Variants in GALNT5 observed in about 807,000 individuals in gnomAD.
GALNT5 encodes polypeptide N-acetylgalactosaminyltransferase 5, also known as UDP-GalNAc:polypeptide N-acetylgalactosaminyltransferase 5.
A neutral mutation model predicts 85.4 loss-of-function variants in GALNT5; 72 were observed. That is an observed-to-expected ratio of 0.84 (90% CI 0.70 to 1.03). The LOEUF (loss-of-function observed/expected upper bound fraction) is 1.03. Among genes scored for constraint, GALNT5 ranks in the 50% least tolerant of loss-of-function variants. GALNT5 has a pLI of 0.00. For synonymous variants in GALNT5, 404 were observed against 397.0 expected (o/e 1.02, Z -0.21); for missense variants, 1,137 against 1,135.5 (o/e 1.00, Z -0.02).
intron 1 of GALNT5, among the ~76,000 whole-genome samples, chr2:157,282,107 C>G (rs1371193303): frequency 2.0e-5 from 3 of 152,112 alleles, no homozygotes; most frequent in Non-Finnish European, 1.5e-5. Context: ...TTTAGACAGT[C>G]TGATATTTTA....
chr2:157,296,392 A>G lies in GALNT5; in HGVS notation c.1878-2A>G. ...CACTTTGTTTTTCATTTCCTGGATT[A>G]GTTACATGACAGTGGATAACTTTCA... On this transcript the variant is annotated splice_acceptor_variant, in intron 4 of 9. Transcript: ENST00000259056. LOFTEE classifies it high-confidence loss of function. 1 of 1,606,140 alleles carries G rather than the reference A, an allele frequency of 6.2e-7. No individual in the cohort carries two copies. Among genetic ancestry groups the G allele is most frequent in the Non-Finnish European group, 8.5e-7 (1 of 1,173,172 alleles).
chr2:157,280,147 G>T (rs950256426), intron 1 of GALNT5, among the ~76,000 whole-genome samples: 1 of 152,106 alleles, frequency 6.6e-6, no homozygotes, highest in Non-Finnish European at 1.5e-5. Context: ...AAAAGACATG[G>T]TTCTCCAAAA....
chr2:157,292,998 G>T (rs181439137), intron 3 of GALNT5, among the ~76,000 whole-genome samples: 1 of 152,062 alleles, frequency 6.6e-6, no homozygotes, highest in Admixed American at 6.6e-5. Context: ...CACCACACCC[G>T]GCCAGGAATC....
intron 1 of GALNT5, among the ~76,000 whole-genome samples, chr2:157,269,146 C>T (rs1218393685): frequency 6.6e-6 from 1 of 152,120 alleles, no homozygotes; most frequent in Non-Finnish European, 1.5e-5. Flanking sequence ...AGCAAGTAAC[C>T]TTTCTTCCAG....
chr2:157,290,095 A>T (rs1285931014), intron 3 of GALNT5, among the ~76,000 whole-genome samples: 1 of 136,256 alleles, frequency 7.3e-6, no homozygotes, highest in South Asian at 2.2e-4. Flanking sequence ...ATGTATATAT[A>T]TATATATATA....
At chr2:157,309,543 A>G (rs1426142104) in intron 9 of GALNT5, among the ~76,000 whole-genome samples, 4 of 152,154 alleles carry the variant, frequency 2.6e-5, no homozygotes, top group Admixed American at 2.6e-4. Flanking sequence ...AATTTTCTAC[A>G]ATCTCTCCAG....
At chr2:157,265,363 T>A (rs1025911078) in intron 1 of GALNT5, among the ~76,000 whole-genome samples, 4 of 152,190 alleles carry the variant, frequency 2.6e-5, no homozygotes, top group Non-Finnish European at 4.4e-5. Context: ...CAACAAAGAT[T>A]AGAGGAGAAG....
Position 157,317,666 on chromosome 2 carries a change from GA to G in GALNT5, c.*6320del, listed in dbSNP as rs760354602. Among the ~76,000 whole-genome samples, 14 of 152,086 alleles carry G rather than the reference GA, an allele frequency of 9.2e-5. No homozygotes were observed. Among genetic ancestry groups the G allele is most frequent in the Non-Finnish European group, 1.9e-4 (13 of 67,980 alleles). On this transcript the variant is annotated 3_prime_UTR_variant, in exon 10 of 10. Transcript: ENST00000259056. The stretch of plus-strand genomic sequence containing the variant: ...TCTGATCGACTGAAGTTATTATAAA[GA>G]AGGAATCAAGTATGTAACTTTAAAT...
At chr2:157,260,655 T>C (rs1682317381) in intron 1 of GALNT5, among the ~76,000 whole-genome samples, 2 of 152,238 alleles carry the variant, frequency 1.3e-5, no homozygotes, top group African/African-American at 4.8e-5. Context: ...TTGGCTTCTG[T>C]AGAAAATTCT....
intron 3 of GALNT5, among the ~76,000 whole-genome samples, chr2:157,293,828 C>T (rs1020375956): frequency 3.3e-5 from 5 of 152,304 alleles, no homozygotes; most frequent in Middle Eastern, 3.4e-3. Context: ...GTTCTCTAAG[C>T]CTTCTCATAC....
chr2:157,291,478 A>G (rs1254914448), intron 3 of GALNT5, among the ~76,000 whole-genome samples: 1 of 152,198 alleles, frequency 6.6e-6, no homozygotes, highest in African/African-American at 2.4e-5. Flanking sequence ...ACGGCACGCC[A>G]AGCCAACATC....
chr2:157,263,285 T>C (rs1230426475), intron 1 of GALNT5, among the ~76,000 whole-genome samples: 1 of 152,172 alleles, frequency 6.6e-6, no homozygotes, highest in East Asian at 1.9e-4. Flanking sequence ...GAAAAGCTAA[T>C]CTCTTTGCTC....
At chr2:157,305,621 T>TA in intron 7 of GALNT5, 128 bp from the exon 8 acceptor site, 2 of 620,448 alleles carry the variant, frequency 3.2e-6, no homozygotes, top group Non-Finnish European at 5.8e-6. Flanking sequence ...TGGATAGTGC[T>TA]AAGTAATGCT....
rs1682959898 is a variant in GALNT5 at position 157,285,935 on chromosome 2, T to C, written c.1622-80T>C. 4 of 976,212 alleles carry C rather than the reference T, an allele frequency of 4.1e-6. No homozygotes were observed. The East Asian group carries it at 1.0e-4, about 25-fold the overall frequency. The allele number at this position is 976,212 out of a possible 1,614,324, so 60.5% of individuals were successfully genotyped here. A position where few individuals can be genotyped will look rare whatever the true frequency, so the allele number is the denominator to read the frequency against. ...ATGGTAATGTCATAGTTTTTGGCAT[T>C]TGACTTTGGGGAGCACTTCTGATAC... On this transcript the variant is annotated intron_variant, in intron 2 of 9. Coordinates refer to ENST00000259056, the MANE Select transcript of GALNT5 (RefSeq NM_014568.3).
Position 157,295,707 on chromosome 2 carries a change from G to A in GALNT5, c.1786G>A (p.Gly596Ser). The change falls in exon 4 of 10, where the codon GGT becomes AGT. Residue 596 changes from glycine to serine, a missense_variant. Coordinates refer to ENST00000259056, the MANE Select transcript of GALNT5 (RefSeq NM_014568.3). ...FLDSHVECNV[G>S]WLEPLLERVY... ...AGATTCTCATGTGGAATGTAACGTTGGTTGGTTGGAACCTCTTCTGGAAAG... is the reference window on the plus strand; with the variant it reads ...AGATTCTCATGTGGAATGTAACGTTAGTTGGTTGGAACCTCTTCTGGAAAG... 6.2e-7 allele frequency: 1 copy of A among 1,612,344 alleles called. No individual in the cohort carries two copies. The highest frequency in any genetic ancestry group is 1.3e-5 in the African/African-American group (1 of 74,950).
intron 3 of GALNT5, among the ~76,000 whole-genome samples, chr2:157,294,939 T>C (rs914280756): frequency 8.2e-5 from 12 of 146,492 alleles, no homozygotes; most frequent in African/African-American, 3.0e-4. Context: ...TTCTTAATAC[T>C]ACTTCTGGCC....
chr2:157,267,450 C>T (rs925597247), intron 1 of GALNT5, among the ~76,000 whole-genome samples: 2 of 152,290 alleles, frequency 1.3e-5, no homozygotes, highest in Middle Eastern at 3.4e-3. Flanking sequence ...CATAGAAAAC[C>T]ACAGAATGTT....
Position 157,259,431 on chromosome 2 carries a change from GA to G in GALNT5, c.1352del (p.Lys451ArgfsTer21). 1.4e-6 allele frequency: 2 copies of G among 1,475,610 alleles called. No homozygotes were observed. The allele number at this position is 1,475,610 out of a possible 1,614,324, so 91.4% of individuals were successfully genotyped here. On this transcript the variant is annotated frameshift_variant, in exon 1 of 10. Coordinates refer to ENST00000259056, the MANE Select transcript of GALNT5 (RefSeq NM_014568.3). LOFTEE classifies it high-confidence loss of function. ...GGGCGTCCTGTAGTTGTCCCCCATG[GA>G]AAGGAGAAGGAGGCAGAAAGAAGAT... ...QFGRPVVVPH[G>X]KEKEAERRWK...
At chr2:157,267,485 T>G (rs991813661) in intron 1 of GALNT5, among the ~76,000 whole-genome samples, 1 of 152,194 alleles carries the variant, frequency 6.6e-6, no homozygotes, top group African/African-American at 2.4e-5. Flanking sequence ...ATTTGAAAGT[T>G]TTCTAATCTA....
Sources: gnomAD v4.1 joint callset for allele counts (sites outside exome capture counted in the v4.1 genomes callset) on GRCh38, gnomAD v4.1.1 for gene constraint, MANE v1.5 for transcripts, NCBI Gene and HGNC (gene_info 2026-07-23, HGNC 2026-07-21) for gene names.